Variants in STON2 observed in about 807,000 individuals in gnomAD.
The protein encoded by STON2 is stonin-2.
STON2 carries 29 observed loss-of-function variants against 65.7 expected under a neutral mutation model. The ratio of observed to expected loss-of-function variants is 0.44; its 90% CI spans 0.33 to 0.60. The LOEUF (loss-of-function observed/expected upper bound fraction) is 0.60. Among genes scored for constraint, STON2 ranks in the 20% least tolerant of loss-of-function variants. STON2 has a pLI of 0.03. For synonymous variants in STON2, 404 were observed against 414.2 expected, an observed-to-expected ratio of 0.98 and a Z score of 0.30; for missense variants, 1,054 against 1,118.1, an observed-to-expected ratio of 0.94 and a Z score of 0.82.
At position 81,262,089 on chromosome 14, in the gene STON2, T is replaced by C; in HGVS notation, c.*6325A>G. 1 of 985,342 alleles carries C rather than the reference T, an allele frequency of 1.0e-6. No individual in the cohort carries two copies. The highest frequency in any genetic ancestry group is 1.2e-6 in the Non-Finnish European group (1 of 829,920). The allele number at this position is 985,342 out of a possible 1,614,324, so 61.0% of individuals were successfully genotyped here. On this transcript the variant is annotated 3_prime_UTR_variant, in exon 8 of 8. Transcript: ENST00000614646. Reference sequence around the variant, plus strand: ...TGGCACCAATGGATATTTTGTAAAATAACCCACAACTTTAGAGCTGGAAAG... The same window carrying C: ...TGGCACCAATGGATATTTTGTAAAACAACCCACAACTTTAGAGCTGGAAAG...
At position 81,419,655 on chromosome 14, in the gene STON2, C is replaced by T. The variant is rs1280164258; in HGVS notation, c.-199+7447G>A. ...AGGCAAGCCCTGCTGCATCCACGCT[C>T]TAGAGACCACCTGATGCATAGTGTT... is the stretch of plus-strand genomic sequence containing the variant. On this transcript the variant is annotated intron_variant, in intron 2 of 8. Coordinates refer to the STON2 transcript ENST00000553821. 8.5e-5 allele frequency among the ~76,000 whole-genome samples: 13 copies of T among 152,208 alleles called. No individual in the cohort carries two copies. In the East Asian group the frequency reaches 2.5e-3, roughly 29 times the overall value.
chr14:81,424,844 T>A (rs1312073536), intron 2 of STON2, among the ~76,000 whole-genome samples: 1 of 152,256 alleles, frequency 6.6e-6, no homozygotes, highest in Non-Finnish European at 1.5e-5. Context: ...GGAAGCTCTT[T>A]CCTATTAATG....
At chr14:81,302,089 A>C (rs1230012225) in intron 5 of STON2, among the ~76,000 whole-genome samples, 1 of 152,180 alleles carries the variant, frequency 6.6e-6, no homozygotes, top group Non-Finnish European at 1.5e-5. Flanking sequence ...CGAGGACACA[A>C]AAACATCAGG....
chr14:81,398,250 T>C, intron 2 of STON2, 45 bp downstream of exon 2: 1 of 1,388,620 alleles, frequency 7.2e-7, no homozygotes, highest in Non-Finnish European at 1.0e-6. Context: ...ATAGACATGG[T>C]TCTTTGACAA....
chr14:81,400,218 C>T (rs1900535750), intron 1 of STON2, among the ~76,000 whole-genome samples, 61 bp downstream of exon 1: 1 of 152,144 alleles, frequency 6.6e-6, no homozygotes, highest in Admixed American at 6.6e-5. Context: ...TCCTTGCCAA[C>T]CACAAGGCCA....
chr14:81,388,583 CTT>C (rs1899934053), intron 3 of STON2, among the ~76,000 whole-genome samples: 6 of 152,218 alleles, frequency 3.9e-5, no homozygotes. Flanking sequence ...ATGACAGTCT[CTT>C]TGTCCCTAAC....
Position 81,277,251 on chromosome 14 carries a change from G to A in STON2, c.2231C>T (p.Pro744Leu). ...FRTVFAEKTL[P>L]FTLRTATSVN... ...ACTTGTGGCCGTCCTGAGTGTGAAA[G>A]GCAAGGTCTTCTCAGCAAACACTGT... The change falls in exon 6 of 8, where the codon CCT (proline) becomes CTT (leucine). Residue 744 changes from proline (P) to leucine (L), a missense_variant. By Grantham distance (98) the Pro-to-Leu change is moderately conservative. Coordinates refer to ENST00000614646, the MANE Select transcript of STON2 (RefSeq NM_001394390.1). 6.2e-7 allele frequency: 1 copy of A among 1,614,194 alleles called. No individual in the cohort carries two copies. The highest frequency in any genetic ancestry group is 8.5e-7 in the Non-Finnish European group (1 of 1,180,038).
At chr14:81,422,357 A>C (rs1403572620) in intron 2 of STON2, among the ~76,000 whole-genome samples, 2 of 152,038 alleles carry the variant, frequency 1.3e-5, no homozygotes, top group African/African-American at 4.8e-5. Context: ...TTTACCTTCC[A>C]TCCTGAGTGG....
At chr14:81,281,544 C>G (rs1434693271) in intron 5 of STON2, among the ~76,000 whole-genome samples, 1 of 152,184 alleles carries the variant, frequency 6.6e-6, no homozygotes, top group Non-Finnish European at 1.5e-5. Context: ...TAGTTTAAAA[C>G]AAGCTGAAGT....
intron 5 of STON2, among the ~76,000 whole-genome samples, chr14:81,285,439 G>C (rs1042222488): frequency 6.6e-6 from 1 of 152,200 alleles, no homozygotes; most frequent in South Asian, 2.1e-4. Context: ...GAAACCTGAA[G>C]ATATGACTGA....
At chr14:81,431,454 A>G (rs906322318) in intron 1 of STON2, among the ~76,000 whole-genome samples, 1 of 152,150 alleles carries the variant, frequency 6.6e-6, no homozygotes, top group Admixed American at 6.5e-5. Context: ...CCTGGCCAAC[A>G]TAGTAAAACC....
chr14:81,274,352 C>T (rs1308287895), intron 6 of STON2, among the ~76,000 whole-genome samples: 10 of 152,112 alleles, frequency 6.6e-5, no homozygotes, highest in Non-Finnish European at 1.5e-4. Flanking sequence ...CTTCCACAAA[C>T]GAGGTTCCAG....
intron 2 of STON2, among the ~76,000 whole-genome samples, chr14:81,408,679 A>C (rs1900996709): frequency 6.6e-6 from 1 of 152,258 alleles, no homozygotes; most frequent in African/African-American, 2.4e-5. Flanking sequence ...CAAAATCAAC[A>C]ATCCCTATGG....
intron 1 of STON2, among the ~76,000 whole-genome samples, chr14:81,432,092 A>G (rs1043751070): frequency 2.6e-5 from 4 of 152,220 alleles, no homozygotes; most frequent in Non-Finnish European, 5.9e-5. Context: ...ATGCATTTAC[A>G]TGCTCTCTGT....
chr14:81,281,278 A>C (rs1417164397), intron 5 of STON2, among the ~76,000 whole-genome samples: 1 of 152,214 alleles, frequency 6.6e-6, no homozygotes, highest in Non-Finnish European at 1.5e-5. Flanking sequence ...CTACACTTAC[A>C]GTATTTATAT....
intron 1 of STON2, among the ~76,000 whole-genome samples, chr14:81,434,479 T>C (rs1027228081): frequency 6.6e-6 from 1 of 152,210 alleles, no homozygotes; most frequent in African/African-American, 2.4e-5. Context: ...TCTTACCCCC[T>C]GAGAAGATAA....
At chr14:81,425,570 T>C (rs1051504748) in intron 2 of STON2, among the ~76,000 whole-genome samples, 3 of 149,452 alleles carry the variant, frequency 2.0e-5, no homozygotes, top group Admixed American at 6.6e-5. Flanking sequence ...AACTCTGCCA[T>C]CAAAAAAAAA....
chr14:81,392,300 T>C (rs1478920435), intron 3 of STON2, among the ~76,000 whole-genome samples: 2 of 152,168 alleles, frequency 1.3e-5, no homozygotes, highest in African/African-American at 4.8e-5. Flanking sequence ...GGGAAGAGCC[T>C]GGCCCCTCCT....
intron 2 of STON2, among the ~76,000 whole-genome samples, chr14:81,408,724 A>G (rs997547428): frequency 6.6e-6 from 1 of 152,230 alleles, no homozygotes; most frequent in Non-Finnish European, 1.5e-5. Context: ...CCCCACATTC[A>G]GAGTCAAGAA....
Sources: allele counts gnomAD v4.1 joint callset (sites outside exome capture counted in the v4.1 genomes callset), GRCh38; gene constraint gnomAD v4.1.1; transcripts MANE v1.5; gene names NCBI Gene and HGNC (gene_info 2026-07-23, HGNC 2026-07-21).